Variants in TEAD4 observed in about 807,000 individuals in gnomAD.
TEAD4 encodes the protein transcriptional enhancer factor TEF-3.
Under a neutral mutation model 52.4 loss-of-function variants are expected in TEAD4, and 36 were observed. The ratio of observed to expected loss-of-function variants is 0.69; its 90% CI spans 0.53 to 0.91. The LOEUF (loss-of-function observed/expected upper bound fraction) is 0.91, where lower values mean the gene tolerates loss of function less well. Among genes scored for constraint, TEAD4 ranks in the 40% least tolerant of loss-of-function variants. TEAD4 has a pLI of 0.00. For missense variants in TEAD4, 508 were observed against 583.9 expected (o/e 0.87, Z 1.34); for synonymous variants, 220 against 231.0 (o/e 0.95, Z 0.43).
chr12:2,963,688 T>G (rs968917704), intron 2 of TEAD4, among the ~76,000 whole-genome samples: 4 of 152,234 alleles, frequency 2.6e-5, no homozygotes, highest in African/African-American at 9.6e-5. Context: ...ATCTGGGAGA[T>G]TCTAATCACA....
intron 2 of TEAD4, among the ~76,000 whole-genome samples, chr12:2,988,225 A>G (rs1276499933): frequency 6.6e-6 from 1 of 152,080 alleles, no homozygotes; most frequent in Non-Finnish European, 1.5e-5. Flanking sequence ...TGAAATACAT[A>G]CTAGGGGTCT....
At chr12:3,037,907 A>T in intron 10 of TEAD4, 61 bp from the exon 11 acceptor site, 1 of 1,568,104 alleles carries the variant, frequency 6.4e-7, no homozygotes, top group Non-Finnish European at 8.7e-7. Flanking sequence ...GGTCTCCTTG[A>T]TGCTCCCGTC....
intron 3 of TEAD4, among the ~76,000 whole-genome samples, chr12:3,002,947 G>A (rs2098252818): frequency 6.6e-6 from 1 of 152,240 alleles, no homozygotes; most frequent in East Asian, 1.9e-4. Flanking sequence ...TCAGGCTTCA[G>A]TCAGAAGTTC....
chr12:3,030,387 A>G (rs2098274775), intron 10 of TEAD4, among the ~76,000 whole-genome samples: 1 of 152,092 alleles, frequency 6.6e-6, no homozygotes, highest in African/African-American at 2.4e-5. Flanking sequence ...TGGGGGCTGG[A>G]CTGTCCAGTG....
chr12:2,975,271 C>T (rs2098228627), intron 2 of TEAD4, among the ~76,000 whole-genome samples: 1 of 151,794 alleles, frequency 6.6e-6, no homozygotes, highest in Non-Finnish European at 1.5e-5. Context: ...CTTGCCCCGC[C>T]CCCAGTCAGT....
chr12:3,032,651 C>T (rs1460302529), intron 10 of TEAD4, among the ~76,000 whole-genome samples: 4 of 152,182 alleles, frequency 2.6e-5, no homozygotes, highest in African/African-American at 4.8e-5. Flanking sequence ...TGTATGTGGC[C>T]GGCTGGTACT....
At chr12:2,996,315 G>T (rs553740816) in intron 3 of TEAD4, among the ~76,000 whole-genome samples, 1 of 151,954 alleles carries the variant, frequency 6.6e-6, no homozygotes, top group South Asian at 2.1e-4. Flanking sequence ...CCCCAGGGTC[G>T]CCCTTACTTC....
At chr12:3,025,936 C>CAT (rs2098271810) in intron 10 of TEAD4, among the ~76,000 whole-genome samples, 2 of 150,220 alleles carry the variant, frequency 1.3e-5, no homozygotes. Context: ...TATTATGTAA[C>CAT]TTTTTTTTTT....
At chr12:3,022,511 G>C in intron 10 of TEAD4, among the ~76,000 whole-genome samples, 1 of 152,138 alleles carries the variant, frequency 6.6e-6, no homozygotes, top group Non-Finnish European at 1.5e-5. Flanking sequence ...AGCTGACTCT[G>C]CCCCAGGGCG....
chr12:3,009,141 G>A (rs2098258198), intron 3 of TEAD4, among the ~76,000 whole-genome samples: 1 of 152,234 alleles, frequency 6.6e-6, no homozygotes, highest in Admixed American at 6.5e-5. Flanking sequence ...AAGAAGAGAC[G>A]GCTGGGCTGG....
At chr12:3,014,557 C>T (rs2098262837) in intron 5 of TEAD4, among the ~76,000 whole-genome samples, 1 of 152,170 alleles carries the variant, frequency 6.6e-6, no homozygotes, top group African/African-American at 2.4e-5. Context: ...AATAGAAATC[C>T]CTGAGTGAGA....
At chr12:2,989,240 C>T (rs1417499907) in intron 2 of TEAD4, among the ~76,000 whole-genome samples, 1 of 152,022 alleles carries the variant, frequency 6.6e-6, no homozygotes. Context: ...CCATGCCCAG[C>T]CCTGATTTTC....
intron 2 of TEAD4, among the ~76,000 whole-genome samples, chr12:2,974,585 G>A (rs2098227912): frequency 1.3e-5 from 2 of 152,168 alleles, no homozygotes; most frequent in Non-Finnish European, 2.9e-5. Flanking sequence ...GGCAGAGCTG[G>A]AGTCCTACTT....
chr12:2,981,151 C>T (rs2098233787), intron 2 of TEAD4, among the ~76,000 whole-genome samples: 1 of 152,180 alleles, frequency 6.6e-6, no homozygotes, highest in African/African-American at 2.4e-5. Context: ...ACGTGTGTCC[C>T]TCAGTGTCCA....
In TEAD4 at chr12:2,989,296, A is replaced by T. The variant is rs534811447; in HGVS notation, c.-29-5442A>T. ...GTAAATTCTCTATTATTTTTGTCTA[A>T]AAATGCCTCTATTTAATCTTCACTC... is the stretch of plus-strand genomic sequence containing the variant. On this transcript the variant is annotated intron_variant, in intron 2 of 12. Coordinates refer to ENST00000359864, the MANE Select transcript of TEAD4 (RefSeq NM_003213.4). Among the ~76,000 whole-genome samples the T allele has an allele frequency of 8.1e-4, 124 of 152,150 alleles. 2 individuals carry two copies. Among genetic ancestry groups the T allele is most frequent in the African/African-American group, 2.9e-3 (122 of 41,514 alleles).
rs375772986 is a variant in TEAD4 at position 2,985,386 on chromosome 12, AAAAAAAC to A, written c.-29-9333_-29-9327del. Reference sequence around the variant, plus strand: ...GGTGACAGAGCAAGACTCTGTCTCAAAAAAAACAAAAAACAAAAAACAAAACCCAAAA... The same window carrying A: ...GGTGACAGAGCAAGACTCTGTCTCAAAAAAAACAAAAAACAAAACCCAAAA... On this transcript the variant is annotated intron_variant, in intron 2 of 12. Coordinates refer to ENST00000359864, the MANE Select transcript of TEAD4 (RefSeq NM_003213.4). Among the ~76,000 whole-genome samples the A allele has an allele frequency of 7.3e-3, 1,117 of 152,170 alleles. 5 individuals are homozygous for A. The highest frequency in any genetic ancestry group is 0.025 in the African/African-American group (1,021 of 41,514).
At chr12:3,029,233 ATTTTTTT>A (rs71057880) in intron 10 of TEAD4, among the ~76,000 whole-genome samples, 16 of 109,612 alleles carry the variant, frequency 1.5e-4, no homozygotes, top group South Asian at 3.1e-4. Flanking sequence ...CGCCTGGCCA[ATTTTTTT>A]TTTTTTTTTT....
intron 3 of TEAD4, among the ~76,000 whole-genome samples, chr12:2,995,619 C>T (rs891433668): frequency 6.6e-6 from 1 of 152,162 alleles, no homozygotes; most frequent in African/African-American, 2.4e-5. Flanking sequence ...TTGCAGAACA[C>T]AGCTGAAACT....
chr12:3,006,640 C>T (rs191965265), intron 3 of TEAD4, among the ~76,000 whole-genome samples: 16 of 151,872 alleles, frequency 1.1e-4, no homozygotes, highest in East Asian at 5.8e-4. Context: ...GCCAAGATCG[C>T]GCCATTTCAC....
Sources: gnomAD v4.1 joint callset for allele counts (sites outside exome capture counted in the v4.1 genomes callset) on GRCh38, gnomAD v4.1.1 for gene constraint, MANE v1.5 for transcripts, NCBI Gene and HGNC (gene_info 2026-07-23, HGNC 2026-07-21) for gene names.